Variants in JAKMIP3 observed in about 807,000 individuals in gnomAD.
JAKMIP3 encodes janus kinase and microtubule-interacting protein 3.
Under a neutral mutation model 118.5 loss-of-function variants are expected in JAKMIP3, and 58 were observed. The ratio of observed to expected loss-of-function variants is 0.49; its 90% CI spans 0.40 to 0.61. The LOEUF (loss-of-function observed/expected upper bound fraction) is 0.61, where lower values mean the gene tolerates loss of function less well. Among genes scored for constraint, JAKMIP3 ranks in the 20% least tolerant of loss-of-function variants. The probability of loss-of-function intolerance (pLI) is 0.00; values close to 1 mark genes in which losing one functional copy is unlikely to be tolerated. For missense variants in JAKMIP3, 950 were observed against 1,109.0 expected (o/e 0.86, Z 2.04); for synonymous variants, 486 against 451.2 (o/e 1.08, Z -0.98).
intron 1 of JAKMIP3, among the ~76,000 whole-genome samples, chr10:132,098,801 CAG>C (rs1348291700): frequency 1.3e-5 from 2 of 152,194 alleles, no homozygotes; most frequent in Non-Finnish European, 2.9e-5. Context: ...GCTCCTCTCT[CAG>C]AGCTGGATTT....
At chr10:132,047,869 AC>A (rs5789111) in intron 1 of JAKMIP3, among the ~76,000 whole-genome samples, 67,301 of 128,742 alleles carry the variant, frequency 0.52, 16,375 homozygotes, top group East Asian at 0.96. Flanking sequence ...TGTGTTCCCC[AC>A]CCCCCGCCCC....
At chr10:132,040,330 T>C (rs900600939) in intron 1 of JAKMIP3, among the ~76,000 whole-genome samples, 1 of 152,106 alleles carries the variant, frequency 6.6e-6, no homozygotes, top group Non-Finnish European at 1.5e-5. Context: ...GCGAGAAATG[T>C]CTTGTTTAGG....
intron 21 of JAKMIP3, among the ~76,000 whole-genome samples, chr10:132,166,655 A>T (rs2058934469): frequency 6.6e-6 from 1 of 152,156 alleles, no homozygotes; most frequent in Non-Finnish European, 1.5e-5. Context: ...GATGGGTTTC[A>T]CTTCAGGGAG....
intron 9 of JAKMIP3, among the ~76,000 whole-genome samples, chr10:132,138,794 G>A (rs2052462617): frequency 1.3e-5 from 2 of 152,144 alleles, no homozygotes; most frequent in Non-Finnish European, 2.9e-5. Flanking sequence ...GGCTGAGGCT[G>A]CTCACACTCA....
chr10:132,114,460 TC>T (rs2047332454), intron 2 of JAKMIP3, among the ~76,000 whole-genome samples: 1 of 152,210 alleles, frequency 6.6e-6, no homozygotes, highest in South Asian at 2.1e-4. Flanking sequence ...CCTCAAGCCA[TC>T]CTCCTGCCTC....
At chr10:132,039,839 A>G (rs2037663555) in intron 1 of JAKMIP3, among the ~76,000 whole-genome samples, 1 of 152,176 alleles carries the variant, frequency 6.6e-6, no homozygotes, top group Non-Finnish European at 1.5e-5. Context: ...TCCACGCCTC[A>G]CGTGCTGGGG....
Position 132,141,825 on chromosome 10 carries a change from T to A in JAKMIP3, c.1474-95T>A, listed in dbSNP as rs72858960. 2,479 of 1,389,694 alleles carry A rather than the reference T, an allele frequency of 1.8e-3. 3 individuals are homozygous for A. The highest frequency in any genetic ancestry group is 2.3e-3 in the Non-Finnish European group (2,319 of 1,026,180). The allele number at this position is 1,389,694 out of a possible 1,614,324, so 86.1% of individuals were successfully genotyped here. On this transcript the variant is annotated intron_variant, in intron 10 of 23. Coordinates refer to ENST00000684848, the MANE Select transcript of JAKMIP3 (RefSeq NM_001323087.2). ...ACCCCCCCATACACCATTTGATATCTGGGGAGAAGGGAAGCCCCGGGGCCC... is the reference window on the plus strand; with the variant it reads ...ACCCCCCCATACACCATTTGATATCAGGGGAGAAGGGAAGCCCCGGGGCCC...
intron 22 of JAKMIP3, 89 bp from the exon 23 acceptor site, chr10:132,167,864 G>GCCCTCCC (rs2059104735): frequency 1.2e-6 from 1 of 847,242 alleles, no homozygotes; most frequent in Non-Finnish European, 1.6e-6. Flanking sequence ...TCACCCCTCG[G>GCCCTCCC]CCCTCGCCCC....
Position 132,180,634 on chromosome 10 carries a change from C to CGCGT in JAKMIP3, c.*1104-1722_*1104-1721insCGTG, listed in dbSNP as rs1554963016. 1.8e-3 allele frequency among the ~76,000 whole-genome samples: 23 copies of CGCGT among 12,814 alleles called. 1 individual carries two copies. Among genetic ancestry groups the CGCGT allele is most frequent in the East Asian group, 8.8e-3 (4 of 452 alleles). The allele number at this position is 12,814 out of a possible 152,430, so 8.4% of individuals were successfully genotyped here. A position where few individuals can be genotyped will look rare whatever the true frequency, so the allele number is the denominator to read the frequency against. ...GTGTGTGCGTGTGTGTGCGTGTGTG[C>CGCGT]GTGCGTGTGTGCGTGTGCGTGTGCG... On this transcript the variant is annotated intron_variant, in intron 23 of 23. Coordinates refer to ENST00000684848, the MANE Select transcript of JAKMIP3 (RefSeq NM_001323087.2).
Position 132,168,920 on chromosome 10 carries a change from C to T in JAKMIP3, c.*990C>T, listed in dbSNP as rs1329554418. On this transcript the variant is annotated 3_prime_UTR_variant, in exon 23 of 24. Coordinates refer to ENST00000684848, the MANE Select transcript of JAKMIP3 (RefSeq NM_001323087.2). Reference sequence around the variant, plus strand: ...AAGCCTCACCCCAAGCCTTTGCACACAAGGAGCAGCCCAGGTGGGGATGGC... The same window carrying T: ...AAGCCTCACCCCAAGCCTTTGCACATAAGGAGCAGCCCAGGTGGGGATGGC... 6.1e-6 allele frequency: 1 copy of T among 163,748 alleles called. No individual in the cohort carries two copies. 10.1% of individuals were successfully genotyped at this position (163,748 alleles called of 1,614,324 possible).
chr10:132,052,497 T>A (rs1346744992), intron 1 of JAKMIP3, among the ~76,000 whole-genome samples: 1 of 152,216 alleles, frequency 6.6e-6, no homozygotes, highest in Non-Finnish European at 1.5e-5. Flanking sequence ...TCTGGCAAGT[T>A]TTCCCCTTCA....
At chr10:132,139,581 C>T (rs2053036685) in intron 9 of JAKMIP3, among the ~76,000 whole-genome samples, 1 of 131,762 alleles carries the variant, frequency 7.6e-6, no homozygotes, top group Admixed American at 8.3e-5. Context: ...AGATGCTCCT[C>T]GGTCACAAAC....
intron 19 of JAKMIP3, among the ~76,000 whole-genome samples, chr10:132,156,540 C>A (rs1313786720): frequency 6.6e-6 from 1 of 152,192 alleles, no homozygotes; most frequent in African/African-American, 2.4e-5. Context: ...GGGCGCCCTC[C>A]CTTTCCTTCT....
chr10:132,117,673 G>A lies in JAKMIP3; in HGVS notation c.633+99G>A, dbSNP rs1020258244. On this transcript the variant is annotated intron_variant, in intron 3 of 23. Transcript: ENST00000684848. The surrounding 1 kb of genome is among the most constrained non-coding windows in gnomAD (Gnocchi z 8.6). ...TGGGCGAGGGTGCAGGCGTGGGCTCGGGGAGCACGCGGGCAGCACCGGCTT... is the reference window on the plus strand; with the variant it reads ...TGGGCGAGGGTGCAGGCGTGGGCTCAGGGAGCACGCGGGCAGCACCGGCTT... The A allele has an allele frequency of 1.2e-5, 15 of 1,233,406 alleles. 1 individual carries two copies. Among genetic ancestry groups the A allele is most frequent in the African/African-American group, 3.1e-5 (2 of 65,092 alleles). The allele number at this position is 1,233,406 out of a possible 1,614,324, so 76.4% of individuals were successfully genotyped here. A position where few individuals can be genotyped will look rare whatever the true frequency, so the allele number is the denominator to read the frequency against.
intron 1 of JAKMIP3, among the ~76,000 whole-genome samples, chr10:132,100,072 C>T (rs1005031074): frequency 1.3e-5 from 2 of 152,218 alleles, no homozygotes; most frequent in African/African-American, 4.8e-5. Flanking sequence ...CACCCTGGCT[C>T]CTGCCCCCGG....
At chr10:132,171,945 C>A (rs1478282486) in intron 23 of JAKMIP3, among the ~76,000 whole-genome samples, 1 of 152,096 alleles carries the variant, frequency 6.6e-6, no homozygotes, top group South Asian at 2.1e-4. Flanking sequence ...TGAGCCCCTG[C>A]GCCCGGCCTG....
chr10:132,092,113 G>A (rs1377858085), intron 1 of JAKMIP3, among the ~76,000 whole-genome samples: 4 of 152,162 alleles, frequency 2.6e-5, no homozygotes, highest in Admixed American at 2.0e-4. Context: ...CTTCTGGCTT[G>A]TAGAGTTTCT....
chr10:132,124,216 T>G (rs2049075393), intron 3 of JAKMIP3, among the ~76,000 whole-genome samples: 1 of 152,252 alleles, frequency 6.6e-6, no homozygotes, highest in Non-Finnish European at 1.5e-5. Context: ...CTTCTGCTGC[T>G]GCTTTGCCCG....
rs2048095012 is a variant in JAKMIP3 at position 132,118,654 on chromosome 10, C to T, written c.633+1080C>T. 6.6e-6 allele frequency among the ~76,000 whole-genome samples: 1 copy of T among 152,256 alleles called. No homozygotes were observed. The highest frequency in any genetic ancestry group is 2.1e-4 in the South Asian group (1 of 4,838). Reference sequence around the variant, plus strand: ...CCATTGTGGAGTAAATATGACCTCGCCACAGTGTACACGTGGGTGCCCCCA... The same window carrying T: ...CCATTGTGGAGTAAATATGACCTCGTCACAGTGTACACGTGGGTGCCCCCA... On this transcript the variant is annotated intron_variant, in intron 3 of 23. Transcript: ENST00000684848. The surrounding 1 kb of genome is among the most constrained non-coding windows in gnomAD (Gnocchi z 4.8).
Sources: gnomAD v4.1 joint callset for allele counts (sites outside exome capture counted in the v4.1 genomes callset) on GRCh38, gnomAD v4.1.1 for gene constraint, Gnocchi (gnomAD v3.1) non-coding constraint, MANE v1.5 for transcripts, NCBI Gene and HGNC (gene_info 2026-07-23, HGNC 2026-07-21) for gene names.